Variants in SLC25A13 observed in about 807,000 individuals in gnomAD.
SLC25A13 encodes solute carrier family 25 member 13.
A neutral mutation model predicts 85.5 loss-of-function variants in SLC25A13; 70 were observed. That is an observed-to-expected ratio of 0.82 (90% CI 0.68 to 1.00). SLC25A13 has a LOEUF of 1.00. SLC25A13 is among the 50% of genes least tolerant of loss of function. The pLI, the probability that SLC25A13 is intolerant of heterozygous loss-of-function variation, is 0.00. For missense variants in SLC25A13, 765 were observed against 819.8 expected, an observed-to-expected ratio of 0.93 and a Z score of 0.82; for synonymous variants, 259 against 288.7, an observed-to-expected ratio of 0.90 and a Z score of 1.04.
At chr7:96,162,278 G>C (rs576419738) in intron 13 of SLC25A13, among the ~76,000 whole-genome samples, 1 of 151,850 alleles carries the variant, frequency 6.6e-6, no homozygotes, top group East Asian at 1.9e-4. Context: ...TGATATGAGT[G>C]AGTATGAAAT....
chr7:96,123,801 T>C (rs1308062662), intron 15 of SLC25A13, among the ~76,000 whole-genome samples: 1 of 152,202 alleles, frequency 6.6e-6, no homozygotes, highest in Non-Finnish European at 1.5e-5. Context: ...CAGCAGATAC[T>C]GGCAAGAACT....
At chr7:96,289,951 A>G (rs1799049679) in intron 2 of SLC25A13, among the ~76,000 whole-genome samples, 1 of 152,194 alleles carries the variant, frequency 6.6e-6, no homozygotes, top group South Asian at 2.1e-4. Context: ...TCCAAGACAC[A>G]TAACTGTCAG....
intron 3 of SLC25A13, among the ~76,000 whole-genome samples, chr7:96,273,285 C>T (rs1389043363): frequency 6.6e-6 from 1 of 151,944 alleles, no homozygotes; most frequent in Non-Finnish European, 1.5e-5. Context: ...GTAAAAGAGA[C>T]ATAACTAACT....
intron 4 of SLC25A13, among the ~76,000 whole-genome samples, chr7:96,233,873 TGCCAAGCACAAGACA>T (rs1796647743): frequency 1.3e-5 from 2 of 152,238 alleles, no homozygotes; most frequent in Admixed American, 1.3e-4. Context: ...AATGGGCACA[TGCCAAGCACAAGACA>T]GGCAGAAGTC....
chr7:96,232,375 G>A (rs1796573111), intron 4 of SLC25A13, among the ~76,000 whole-genome samples: 1 of 152,058 alleles, frequency 6.6e-6, no homozygotes, highest in South Asian at 2.1e-4. Context: ...GTATATGTGG[G>A]AGCTAAGTGA....
At chr7:96,191,285 CA>C (rs1258067851) in intron 6 of SLC25A13, 38 bp from the exon 7 acceptor site, 1 of 1,607,924 alleles carries the variant, frequency 6.2e-7, no homozygotes, top group Admixed American at 1.7e-5. Context: ...GAAAAATATA[CA>C]AAAGATTTAT....
intron 1 of SLC25A13, among the ~76,000 whole-genome samples, chr7:96,305,939 C>G (rs1166843153): frequency 3.3e-5 from 5 of 152,226 alleles, no homozygotes; most frequent in Non-Finnish European, 1.5e-5. Flanking sequence ...GGAGGCTCAT[C>G]TCAAAGACGA....
chr7:96,259,791 C>G (rs76183784), intron 3 of SLC25A13, among the ~76,000 whole-genome samples: 1,872 of 152,144 alleles, frequency 0.012, 39 homozygotes, highest in African/African-American at 0.042. Context: ...CAATAGCAGA[C>G]TTGGAACCAA....
intron 13 of SLC25A13, among the ~76,000 whole-genome samples, chr7:96,166,387 A>G (rs1346807301): frequency 6.6e-6 from 1 of 152,218 alleles, no homozygotes; most frequent in Non-Finnish European, 1.5e-5. Flanking sequence ...GCTTTATAAG[A>G]CAGATGTTCA....
chr7:96,209,769 C>T (rs1795619296), intron 4 of SLC25A13, among the ~76,000 whole-genome samples: 1 of 152,144 alleles, frequency 6.6e-6, no homozygotes, highest in South Asian at 2.1e-4. Context: ...AAAAACCTTA[C>T]TTTTCTAAAG....
intron 3 of SLC25A13, among the ~76,000 whole-genome samples, chr7:96,274,605 T>A (rs1284264730): frequency 6.6e-6 from 1 of 152,152 alleles, no homozygotes; most frequent in African/African-American, 2.4e-5. Context: ...CTGAATGGTA[T>A]TGCCTAGGTT....
At chr7:96,219,950 T>C (rs550382027) in intron 4 of SLC25A13, among the ~76,000 whole-genome samples, 2 of 152,306 alleles carry the variant, frequency 1.3e-5, no homozygotes, top group South Asian at 2.1e-4. Context: ...TGTTTCCAAT[T>C]ATCTGCTAGA....
chr7:96,290,101 A>G (rs970896848), intron 2 of SLC25A13, among the ~76,000 whole-genome samples: 1 of 152,218 alleles, frequency 6.6e-6, no homozygotes, highest in African/African-American at 2.4e-5. Context: ...TCTGGCCAGA[A>G]GAGAGTGGGG....
chr7:96,219,311 A>C (rs1796015212), intron 4 of SLC25A13, among the ~76,000 whole-genome samples: 1 of 152,196 alleles, frequency 6.6e-6, no homozygotes, highest in Admixed American at 6.5e-5. Flanking sequence ...CTTTCAAAAA[A>C]TAAGCACACA....
chr7:96,265,935 C>T (rs1020394578), intron 3 of SLC25A13, among the ~76,000 whole-genome samples: 3 of 152,142 alleles, frequency 2.0e-5, no homozygotes, highest in African/African-American at 7.2e-5. Flanking sequence ...AACAGATTCC[C>T]TCAAGCCTCC....
intron 4 of SLC25A13, among the ~76,000 whole-genome samples, chr7:96,218,922 TAAC>T (rs1355889538): frequency 6.6e-5 from 10 of 152,196 alleles, no homozygotes; most frequent in African/African-American, 2.2e-4. Flanking sequence ...CTGATATGGT[TAAC>T]AACCAGCTTC....
At chr7:96,281,227 C>T (rs1374234005) in intron 2 of SLC25A13, among the ~76,000 whole-genome samples, 6 of 151,884 alleles carry the variant, frequency 4.0e-5, no homozygotes, top group Admixed American at 6.6e-5. Context: ...CCCGTCTGTA[C>T]TAAAAATACA....
intron 4 of SLC25A13, among the ~76,000 whole-genome samples, chr7:96,234,200 G>A (rs1480433846): frequency 6.6e-6 from 1 of 152,152 alleles, no homozygotes; most frequent in East Asian, 1.9e-4. Flanking sequence ...AAAACATCAG[G>A]GTTTTCTGCA....
chr7:96,316,066 G>C (rs75124590), intron 1 of SLC25A13, among the ~76,000 whole-genome samples: 1 of 152,098 alleles, frequency 6.6e-6, no homozygotes, highest in Admixed American at 6.6e-5. Flanking sequence ...CTAGGCTAGA[G>C]TGAGCAATAA....
Sources: allele counts gnomAD v4.1 joint callset (sites outside exome capture counted in the v4.1 genomes callset), GRCh38; gene constraint gnomAD v4.1.1; transcripts MANE v1.5; gene names NCBI Gene and HGNC (gene_info 2026-07-23, HGNC 2026-07-21).